Variants in BTBD8 observed in about 807,000 individuals in gnomAD.
The protein encoded by BTBD8 is BTB domain containing 8.
BTBD8 carries 110 observed loss-of-function variants against 162.9 expected under a neutral mutation model. The ratio of observed to expected loss-of-function variants is 0.68; its 90% CI spans 0.58 to 0.79. BTBD8 has a LOEUF of 0.79. BTBD8 is among the 30% of genes least tolerant of loss of function. The probability of loss-of-function intolerance (pLI) is 0.00; values close to 1 mark genes in which losing one functional copy is unlikely to be tolerated. For synonymous variants in BTBD8, 667 were observed against 716.1 expected, an observed-to-expected ratio of 0.93 and a Z score of 1.10; for missense variants, 1,905 against 2,085.4, an observed-to-expected ratio of 0.91 and a Z score of 1.68.
At chr1:92,177,752 C>A in intron 14 of BTBD8, 59 bp from the exon 15 acceptor site, 1 of 1,034,054 alleles carries the variant, frequency 9.7e-7, no homozygotes, top group Non-Finnish European at 1.5e-6. Flanking sequence ...AGTAAACTTA[C>A]ACGTTTGTTA....
chr1:92,115,222 C>A (rs1418823356), intron 4 of BTBD8: 1 of 494,604 alleles, frequency 2.0e-6, no homozygotes, highest in South Asian at 1.8e-5. Context: ...GCCATCACAC[C>A]ACAGTTTCCC....
At chr1:92,162,733 A>G (rs1227314643) in intron 9 of BTBD8, among the ~76,000 whole-genome samples, 1 of 152,180 alleles carries the variant, frequency 6.6e-6, no homozygotes, top group African/African-American at 2.4e-5. Context: ...CCCCAGGATC[A>G]CTTCACAAAT....
At chr1:92,089,222 C>T (rs1648235768) in intron 2 of BTBD8, among the ~76,000 whole-genome samples, 1 of 152,056 alleles carries the variant, frequency 6.6e-6, no homozygotes, top group African/African-American at 2.4e-5. Context: ...CAGGGTTTCT[C>T]AGTAGTGGCA....
At chr1:92,131,230 G>A (rs1344901840) in intron 5 of BTBD8, among the ~76,000 whole-genome samples, 2 of 152,170 alleles carry the variant, frequency 1.3e-5, no homozygotes, top group African/African-American at 2.4e-5. Flanking sequence ...TTTATTAAGT[G>A]TATAAAGAGA....
chr1:92,094,252 C>T (rs1166694267), intron 2 of BTBD8, among the ~76,000 whole-genome samples: 1 of 152,190 alleles, frequency 6.6e-6, no homozygotes, highest in African/African-American at 2.4e-5. Flanking sequence ...TAGATTGTCT[C>T]ACTGATGTGC....
At position 92,147,164 on chromosome 1, in the gene BTBD8, T is replaced by G. The variant is rs774700280; in HGVS notation, c.931-16T>G. On this transcript the variant is annotated splice_polypyrimidine_tract_variant and intron_variant, in intron 7 of 17. Coordinates refer to ENST00000636805, the MANE Select transcript of BTBD8 (RefSeq NM_001376131.1). ...AATTGAAAAGGAATAAATATGGTGT[T>G]TTCCATCAATTTTAGCCTGTTCCCA... 35 of 1,563,278 alleles carry G rather than the reference T, an allele frequency of 2.2e-5. No homozygotes were observed. Among genetic ancestry groups the G allele is most frequent in the Non-Finnish European group, 3.0e-5 (34 of 1,148,124 alleles).
At chr1:92,153,362 C>CTTAGT in intron 9 of BTBD8, among the ~76,000 whole-genome samples, 2 of 152,172 alleles carry the variant, frequency 1.3e-5, no homozygotes, top group Admixed American at 1.3e-4. Flanking sequence ...TCATCCTTTA[C>CTTAGT]TTATTTTATT....
intron 9 of BTBD8, 83 bp from the exon 10 acceptor site, chr1:92,166,875 C>A (rs1323810982): frequency 1.1e-5 from 15 of 1,367,288 alleles, no homozygotes; most frequent in Non-Finnish European, 1.5e-5. Context: ...CATCCCATAA[C>A]AACAAAAGTA....
intron 4 of BTBD8, among the ~76,000 whole-genome samples, chr1:92,110,794 C>T (rs111716404): frequency 0.013 from 1,919 of 152,172 alleles, 45 homozygotes; most frequent in African/African-American, 0.042. Context: ...CCGCCCACCT[C>T]GGCCTCCCAA....
rs994138524 is a variant in BTBD8, at chr1:92,147,190, G to A, written c.941G>A (p.Arg314Lys). The change falls in exon 8 of 18, where the codon AGA becomes AAA. Residue 314 changes from arginine (R) to lysine (K), a missense_variant. Around this residue, in one of 3 missense-constraint regions of BTBD8, gnomAD observed 1,374 missense variants for 1,442.7 expected, o/e 0.95. Coordinates refer to ENST00000636805, the MANE Select transcript of BTBD8 (RefSeq NM_001376131.1). ...YCNFFQKPVP[R>K]TLTSILECLI... is the part of the protein sequence containing the mutation. ...TTCCATCAATTTTAGCCTGTTCCCAGAACATTGACGTCTATACTAGAATGC... is the reference window on the plus strand; with the variant it reads ...TTCCATCAATTTTAGCCTGTTCCCAAAACATTGACGTCTATACTAGAATGC... 2 of 1,604,646 alleles carry A rather than the reference G, an allele frequency of 1.2e-6. No individual in the cohort carries two copies. Among genetic ancestry groups the A allele is most frequent in the Non-Finnish European group, 8.5e-7 (1 of 1,176,102 alleles).
At chr1:92,155,286 TA>T (rs1383030795) in intron 9 of BTBD8, among the ~76,000 whole-genome samples, 1 of 152,218 alleles carries the variant, frequency 6.6e-6, no homozygotes, top group African/African-American at 2.4e-5. Flanking sequence ...TCTATTTCTA[TA>T]AAAAATGCAA....
At chr1:92,163,837 A>G (rs758965809) in intron 9 of BTBD8, among the ~76,000 whole-genome samples, 9 of 152,166 alleles carry the variant, frequency 5.9e-5, no homozygotes, top group Non-Finnish European at 8.8e-5. Context: ...TGTATCATCT[A>G]TGTTATTTAA....
At chr1:92,146,246 A>G (rs1649915978) in intron 7 of BTBD8, among the ~76,000 whole-genome samples, 1 of 152,218 alleles carries the variant, frequency 6.6e-6, no homozygotes, top group South Asian at 2.1e-4. Flanking sequence ...CATAAAATTA[A>G]AAGTTGTTAG....
At chr1:92,126,590 A>G (rs148816234) in intron 4 of BTBD8, 3 of 389,504 alleles carry the variant, frequency 7.7e-6, no homozygotes, top group East Asian at 6.3e-5. Flanking sequence ...CTGTTTATAT[A>G]TTAAAAGTTG....
intron 2 of BTBD8, among the ~76,000 whole-genome samples, chr1:92,097,873 C>T (rs547046238): frequency 6.6e-5 from 10 of 152,238 alleles, no homozygotes; most frequent in African/African-American, 2.2e-4. Flanking sequence ...GGAAAAGCTG[C>T]GTGGGGCAAA....
chr1:92,097,056 C>G (rs924236995), intron 2 of BTBD8, among the ~76,000 whole-genome samples: 1 of 152,132 alleles, frequency 6.6e-6, no homozygotes, highest in Non-Finnish European at 1.5e-5. Context: ...TATTTTCCTC[C>G]CTGTTATTAC....
chr1:92,116,428 T>C (rs919080872), intron 4 of BTBD8, among the ~76,000 whole-genome samples: 2 of 152,102 alleles, frequency 1.3e-5, no homozygotes, highest in African/African-American at 4.8e-5. Context: ...TGATGGAGTA[T>C]TGAAGTCTCC....
rs1650751732 is a variant in BTBD8 at position 92,177,392 on chromosome 1, T to G, written c.2199T>G (p.Ser733Arg). 6.4e-7 allele frequency: 1 copy of G among 1,551,684 alleles called. No individual in the cohort carries two copies. The highest frequency in any genetic ancestry group is 2.4e-5 in the East Asian group (1 of 40,924). ...AGPSSRSTDS[S>R]MEFSISTECL... ...CCTCCAGCAGATCCACAGATTCAAG[T>G]ATGGAATTCTCAATTTCCACTGAAT... The change falls in exon 14 of 18, where the codon AGT (serine) becomes AGG (arginine). Residue 733 changes from serine to arginine, a missense_variant. By Grantham distance (110) the Ser-to-Arg change is moderately radical. This residue lies in a region of BTBD8 where 1,374 missense variants were observed against 1,442.7 expected (regional missense o/e 0.95). Coordinates refer to ENST00000636805, the MANE Select transcript of BTBD8 (RefSeq NM_001376131.1).
chr1:92,177,307 A>G lies in BTBD8; in HGVS notation c.2114A>G (p.Lys705Arg). ...ACAGGAAACTTAAATGTGCAAGCCAAAGCAAAGCCTTTGAAGAAAGCTACA... is the reference window on the plus strand; with the variant it reads ...ACAGGAAACTTAAATGTGCAAGCCAGAGCAAAGCCTTTGAAGAAAGCTACA... The part of the protein sequence containing the change: ...VLTGNLNVQA[K>R]AKPLKKATGK... Residue 705 changes from lysine to arginine, a missense_variant, in exon 14 of 18, where the codon AAA (lysine) becomes AGA (arginine). By Grantham distance (26) the Lys-to-Arg change is conservative. Coordinates refer to ENST00000636805, the MANE Select transcript of BTBD8 (RefSeq NM_001376131.1). 6.4e-7 allele frequency: 1 copy of G among 1,552,020 alleles called. No individual in the cohort carries two copies. The highest frequency in any genetic ancestry group is 8.7e-7 in the Non-Finnish European group (1 of 1,147,074).
Sources: allele counts gnomAD v4.1 joint callset (sites outside exome capture counted in the v4.1 genomes callset), GRCh38; gene constraint gnomAD v4.1.1; regional missense constraint gnomAD v4.1.1; transcripts MANE v1.5; gene names NCBI Gene and HGNC (gene_info 2026-07-23, HGNC 2026-07-21).